CCDC141: variants seen among roughly 807,000 people sequenced by gnomAD.
CCDC141 encodes coiled-coil domain-containing protein 141.
A neutral mutation model predicts 181.0 loss-of-function variants in CCDC141; 168 were observed. That is an observed-to-expected ratio of 0.93 (90% CI 0.82 to 1.05). The LOEUF is 1.05. Ranked by LOEUF, CCDC141 falls within the 50% of genes least tolerant of loss-of-function variation. The pLI, the probability that CCDC141 is intolerant of heterozygous loss-of-function variation, is 0.00. For synonymous variants in CCDC141, 666 were observed against 642.3 expected, an observed-to-expected ratio of 1.04 and a Z score of -0.56; for missense variants, 1,902 against 1,788.5, an observed-to-expected ratio of 1.06 and a Z score of -1.14.
chr2:178,917,503 G>T (rs1413202991), intron 7 of CCDC141, among the ~76,000 whole-genome samples: 4 of 152,084 alleles, frequency 2.6e-5, no homozygotes, highest in Non-Finnish European at 5.9e-5. Flanking sequence ...TTGTATTCAG[G>T]GTGTTGATGT....
intron 6 of CCDC141, among the ~76,000 whole-genome samples, chr2:178,919,566 C>T (rs1285759730): frequency 1.3e-5 from 2 of 152,176 alleles, no homozygotes; most frequent in African/African-American, 4.8e-5. Context: ...ACCCCCTATA[C>T]AATGAACAAC....
intron 2 of CCDC141, among the ~76,000 whole-genome samples, chr2:178,996,811 C>A (rs1040713894): frequency 2.0e-5 from 3 of 152,144 alleles, no homozygotes; most frequent in African/African-American, 7.2e-5. Context: ...ACAAATTACA[C>A]TTGGTATTTT....
At chr2:178,839,601 A>AT (rs1466718458) in intron 22 of CCDC141, among the ~76,000 whole-genome samples, 31 of 149,974 alleles carry the variant, frequency 2.1e-4, no homozygotes, top group African/African-American at 7.7e-4. Context: ...AAAAAAAAAA[A>AT]AAAAAATGTG....
At chr2:178,912,662 T>A (rs147251949) in intron 7 of CCDC141, among the ~76,000 whole-genome samples, 1 of 152,178 alleles carries the variant, frequency 6.6e-6, no homozygotes, top group African/African-American at 2.4e-5. Flanking sequence ...GTTTGCATCA[T>A]CATGACTTTT....
chr2:178,861,874 T>C (rs1422510699), intron 17 of CCDC141, among the ~76,000 whole-genome samples: 1 of 152,156 alleles, frequency 6.6e-6, no homozygotes, highest in East Asian at 1.9e-4. Flanking sequence ...ATTCAGGTTA[T>C]AAATCTTGAA....
At chr2:178,988,486 TAA>T (rs34363305) in intron 2 of CCDC141, among the ~76,000 whole-genome samples, 4,471 of 150,418 alleles carry the variant, frequency 0.03, 114 homozygotes, top group Middle Eastern at 0.072. Context: ...AAATAAATAA[TAA>T]AAAAAAAGAA....
intron 2 of CCDC141, among the ~76,000 whole-genome samples, chr2:178,979,106 C>A (rs573165481): frequency 6.6e-6 from 1 of 152,014 alleles, no homozygotes; most frequent in African/African-American, 2.4e-5. Flanking sequence ...TTAATATGAC[C>A]GTGACGATTA....
intron 2 of CCDC141, among the ~76,000 whole-genome samples, chr2:179,011,437 A>C (rs62175984): frequency 0.12 from 17,725 of 152,152 alleles, 1,100 homozygotes; most frequent in Middle Eastern, 0.19. Context: ...TTCTAAACAT[A>C]CACGTACCTA....
At chr2:178,966,011 T>C (rs181778751) in intron 4 of CCDC141, among the ~76,000 whole-genome samples, 105 of 152,258 alleles carry the variant, frequency 6.9e-4, no homozygotes, top group Non-Finnish European at 9.0e-4. Context: ...ACTGGGAAGT[T>C]TGAACTGGTG....
intron 8 of CCDC141, among the ~76,000 whole-genome samples, chr2:178,893,235 C>A (rs375608222): frequency 1.8e-5 from 2 of 110,500 alleles, no homozygotes. Flanking sequence ...TTTTTTTTTT[C>A]TCAAAGAGCA....
chr2:178,919,071 G>T (rs1299411810), intron 6 of CCDC141, among the ~76,000 whole-genome samples, 164 bp from the exon 7 acceptor site: 1 of 152,114 alleles, frequency 6.6e-6, no homozygotes, highest in Non-Finnish European at 1.5e-5. Flanking sequence ...GCCTGAGAGG[G>T]CTGCCTTGCC....
At chr2:178,829,642 T>C (rs1684181823), downstream of CCDC141, 1 of 152,258 alleles carries the variant, frequency 6.6e-6, no homozygotes, top group South Asian at 2.1e-4. Flanking sequence ...AAGGACACTT[T>C]CATTTAAGTC....
At chr2:178,937,810 A>G (rs1689351312) in intron 6 of CCDC141, among the ~76,000 whole-genome samples, 1 of 151,874 alleles carries the variant, frequency 6.6e-6, no homozygotes, top group South Asian at 2.1e-4. Flanking sequence ...TGGGAGGTAT[A>G]TGTGTCTAGA....
At chr2:178,993,639 G>C (rs1306527507) in intron 2 of CCDC141, among the ~76,000 whole-genome samples, 1 of 152,126 alleles carries the variant, frequency 6.6e-6, no homozygotes, top group Non-Finnish European at 1.5e-5. Context: ...AACCAATCAT[G>C]CCTTCCCAAC....
rs1277733152 is a variant in CCDC141, at chr2:178,845,612, G to A, written c.3474+14C>T. The A allele has an allele frequency of 5.0e-6, 7 of 1,389,452 alleles. No homozygotes were observed. The highest frequency in any genetic ancestry group is 4.3e-5 in the African/African-American group (3 of 70,416). The allele number at this position is 1,389,452 out of a possible 1,614,324, so 86.1% of individuals were successfully genotyped here. On this transcript the variant is annotated intron_variant, in intron 22 of 23. Transcript: ENST00000443758. ...AAAAGTCCTCAATAGCTGAGGTTAA[G>A]TAGTTTTCTTTACCTTATTCCTTTC... is the stretch of plus-strand genomic sequence containing the variant.
At chr2:178,843,949 C>T (rs937696344) in intron 22 of CCDC141, among the ~76,000 whole-genome samples, 2 of 152,116 alleles carry the variant, frequency 1.3e-5, no homozygotes, top group African/African-American at 4.8e-5. Context: ...AATTGTAGAC[C>T]TTCACTTACA....
intron 9 of CCDC141, among the ~76,000 whole-genome samples, chr2:178,887,952 C>T (rs1301571886): frequency 4.6e-5 from 7 of 152,124 alleles, no homozygotes; most frequent in Non-Finnish European, 8.8e-5. Context: ...CCTTTGGAAA[C>T]AGGAAGTAAA....
At position 179,045,147 on chromosome 2, in the gene CCDC141, G is replaced by A. The variant is rs2043449691; in HGVS notation, c.225+2137C>T. On this transcript the variant is annotated intron_variant, in intron 2 of 23. Coordinates refer to ENST00000443758, the MANE Select transcript of CCDC141 (RefSeq NM_173648.4). ...TCTAGCATTAGGTATATCTCCCAAT[G>A]CTATCCCTCCCCCCTCCCCTCGACC... 1.3e-5 allele frequency among the ~76,000 whole-genome samples: 2 copies of A among 148,792 alleles called. 1 individual carries two copies. Among genetic ancestry groups the A allele is most frequent in the South Asian group, 4.3e-4 (2 of 4,604 alleles).
At chr2:178,816,450 C>T in the CCDC141 span, among the ~76,000 whole-genome samples, 1 of 152,188 alleles carries the variant, frequency 6.6e-6, no homozygotes, top group Non-Finnish European at 1.5e-5. Flanking sequence ...TATTAAAGGA[C>T]ATCTTGTTTG....
Sources: gnomAD v4.1 joint callset for allele counts (sites outside exome capture counted in the v4.1 genomes callset) on GRCh38, gnomAD v4.1.1 for gene constraint, MANE v1.5 for transcripts, NCBI Gene and HGNC (gene_info 2026-07-23, HGNC 2026-07-21) for gene names.